Variants in DOCK3 observed in about 807,000 individuals in gnomAD.
DOCK3 encodes the protein dedicator of cytokinesis 3.
In DOCK3, 60 loss-of-function variants were observed where a neutral mutation model predicts 265.6. That is an observed-to-expected ratio of 0.23 (90% CI 0.18 to 0.28). DOCK3 has a LOEUF of 0.28. DOCK3 is among the 10% of genes least tolerant of loss of function. DOCK3 has a pLI of 1.00. For missense variants in DOCK3, 1,981 were observed against 2,594.3 expected (o/e 0.76, Z 5.14); for synonymous variants, 881 against 938.0 (o/e 0.94, Z 1.11).
chr3:51,010,170 C>A (rs945939855), intron 5 of DOCK3, among the ~76,000 whole-genome samples: 1 of 152,086 alleles, frequency 6.6e-6, no homozygotes, highest in Non-Finnish European at 1.5e-5. Flanking sequence ...TCCTGGATAT[C>A]CTTGTTAATT....
At chr3:50,935,308 A>G (rs1183191033) in intron 5 of DOCK3, among the ~76,000 whole-genome samples, 2 of 152,230 alleles carry the variant, frequency 1.3e-5, no homozygotes, top group African/African-American at 2.4e-5. Context: ...GTACTGTTTT[A>G]TACATACATC....
intron 12 of DOCK3, among the ~76,000 whole-genome samples, chr3:51,206,644 A>T (rs1450211564): frequency 1.3e-5 from 2 of 152,122 alleles, no homozygotes; most frequent in African/African-American, 4.8e-5. Flanking sequence ...TTTCAATGTA[A>T]AAGAGATCTG....
intron 2 of DOCK3, among the ~76,000 whole-genome samples, chr3:50,779,183 A>G (rs1292125395): frequency 6.6e-6 from 1 of 152,148 alleles, no homozygotes; most frequent in Non-Finnish European, 1.5e-5. Context: ...CTATTGTGCT[A>G]TCAAATACTA....
At chr3:51,063,513 GC>G (rs1200426998) in intron 5 of DOCK3, among the ~76,000 whole-genome samples, 1 of 152,122 alleles carries the variant, frequency 6.6e-6, no homozygotes, top group Non-Finnish European at 1.5e-5. Flanking sequence ...TTTGACTTGA[GC>G]TTATTTTGGC....
At chr3:51,358,301 G>A (rs983719194) in intron 46 of DOCK3, among the ~76,000 whole-genome samples, 2 of 152,224 alleles carry the variant, frequency 1.3e-5, no homozygotes, top group East Asian at 1.9e-4. Context: ...CAAAGGAGGA[G>A]CCAGATTCAA....
chr3:51,379,698 AC>A, intron 51 of DOCK3: 1 of 906,406 alleles, frequency 1.1e-6, no homozygotes, highest in Non-Finnish European at 1.3e-6. Context: ...AAGCCAAAAC[AC>A]CCCCACCACA....
chr3:50,756,098 C>T (rs1360080031), intron 1 of DOCK3, among the ~76,000 whole-genome samples: 3 of 152,180 alleles, frequency 2.0e-5, no homozygotes, highest in African/African-American at 4.8e-5. Flanking sequence ...TGTTTCCCCT[C>T]CCTTGATTTT....
rs573106706 is a variant in DOCK3 at position 51,059,332 on chromosome 3, G to A, written c.316-5116G>A. On this transcript the variant is annotated intron_variant, in intron 5 of 52. Transcript: ENST00000266037. ...CCTAATACCATTGCCTTGAGGGTTA[G>A]GATTTCAATGTATGAATTTATTGAG... 4.6e-5 allele frequency among the ~76,000 whole-genome samples: 7 copies of A among 152,120 alleles called. No homozygotes were observed. The East Asian group carries it at 1.2e-3, about 25-fold the overall frequency.
intron 7 of DOCK3, among the ~76,000 whole-genome samples, chr3:51,088,683 G>A (rs1474827998): frequency 2.0e-5 from 3 of 152,264 alleles, no homozygotes; most frequent in Middle Eastern, 6.8e-3. Context: ...GATAATACAG[G>A]CTCTTATCTG....
chr3:51,132,240 G>A (rs2084591031), intron 9 of DOCK3, among the ~76,000 whole-genome samples: 1 of 152,078 alleles, frequency 6.6e-6, no homozygotes. Flanking sequence ...ACCCAACTCT[G>A]TGTTTCTTCC....
At chr3:51,037,178 TA>T (rs1285986955) in intron 5 of DOCK3, among the ~76,000 whole-genome samples, 1 of 152,254 alleles carries the variant, frequency 6.6e-6, no homozygotes, top group African/African-American at 2.4e-5. Context: ...AGGTACAGTT[TA>T]AAAAAATATA....
chr3:51,161,382 T>G (rs1396583334), intron 12 of DOCK3, among the ~76,000 whole-genome samples: 1 of 151,318 alleles, frequency 6.6e-6, no homozygotes, highest in Non-Finnish European at 1.5e-5. Context: ...AGGCGGAGCT[T>G]GCAGTGAGCT....
At chr3:50,996,872 C>G (rs1439978187) in intron 5 of DOCK3, among the ~76,000 whole-genome samples, 2 of 152,220 alleles carry the variant, frequency 1.3e-5, no homozygotes, top group Non-Finnish European at 2.9e-5. Flanking sequence ...CGCTCTGTCT[C>G]TGACAGCACC....
At chr3:51,244,815 T>C (rs2108548515) in intron 21 of DOCK3, among the ~76,000 whole-genome samples, 1 of 152,344 alleles carries the variant, frequency 6.6e-6, no homozygotes, top group African/African-American at 2.4e-5. Context: ...AGCTGTGGGC[T>C]TTCAGCTGAT....
chr3:51,198,768 G>T lies in DOCK3; in HGVS notation c.1038-10006G>T, dbSNP rs1224379637. Among the ~76,000 whole-genome samples the T allele has an allele frequency of 2.0e-5, 3 of 152,198 alleles. No individual in the cohort carries two copies. The East Asian group carries it at 5.8e-4, about 29-fold the overall frequency. On this transcript the variant is annotated intron_variant, in intron 12 of 52. Coordinates refer to ENST00000266037, the MANE Select transcript of DOCK3 (RefSeq NM_004947.5). ...CTGTGTGTAGTGAGCCACTGCTCAT[G>T]CCTGTAATCCTAGCACTTTGGGAGG...
chr3:51,307,847 G>A (rs2082773571), intron 27 of DOCK3, among the ~76,000 whole-genome samples: 1 of 146,308 alleles, frequency 6.8e-6, no homozygotes, highest in Non-Finnish European at 1.5e-5. Flanking sequence ...TGACATGGCT[G>A]CTTCATGCAG....
intron 5 of DOCK3, among the ~76,000 whole-genome samples, chr3:50,962,079 GC>G (rs1254304944): frequency 4.0e-5 from 6 of 151,646 alleles, no homozygotes; most frequent in Admixed American, 2.6e-4. Flanking sequence ...GTATACATGT[GC>G]CATGGTGGTT....
intron 2 of DOCK3, among the ~76,000 whole-genome samples, chr3:50,805,760 G>A (rs1351623443): frequency 6.6e-6 from 1 of 152,194 alleles, no homozygotes; most frequent in Non-Finnish European, 1.5e-5. Context: ...GGCCTCGTAT[G>A]TGGGTGAGTG....
At chr3:50,855,160 G>A (rs2046526897) in intron 3 of DOCK3, among the ~76,000 whole-genome samples, 1 of 151,994 alleles carries the variant, frequency 6.6e-6, no homozygotes, top group Admixed American at 6.6e-5. Flanking sequence ...TTCTAATTCT[G>A]TGTAAAATGA....
Sources: allele counts gnomAD v4.1 joint callset (sites outside exome capture counted in the v4.1 genomes callset), GRCh38; gene constraint gnomAD v4.1.1; transcripts MANE v1.5; gene names NCBI Gene and HGNC (gene_info 2026-07-23, HGNC 2026-07-21).